The following TKT variants were observed in gnomAD, a reference collection of about 807,000 sequenced individuals.
TKT encodes transketolase.
A neutral mutation model predicts 63.9 loss-of-function variants in TKT; 47 were observed. The observed-to-expected ratio is 0.74, with a 90% CI of 0.58 to 0.94. TKT has a LOEUF of 0.94. Ranked by LOEUF, TKT falls within the 40% of genes least tolerant of loss-of-function variation. The probability of loss-of-function intolerance (pLI) is 0.00; values close to 1 mark genes in which losing one functional copy is unlikely to be tolerated. For missense variants in TKT, 721 were observed against 846.2 expected, an observed-to-expected ratio of 0.85 and a Z score of 1.84; for synonymous variants, 338 against 334.1, an observed-to-expected ratio of 1.01 and a Z score of -0.13.
Position 53,225,775 on chromosome 3 carries a change from C to T in TKT, c.1853G>A (p.Gly618Asp). ...CCCGCCCTAGGCCTTGGTGATGAGG[C>T]CCCTCACAGCTTGTGCAATGGCATC... ...DRDAIAQAVR[G>D]LITKA Residue 618 changes from glycine (G) to aspartate (D), a missense_variant, in exon 14 of 14, where the codon GGC (glycine) becomes GAC (aspartate). By Grantham distance (94) the Gly-to-Asp change is moderately conservative. Coordinates refer to ENST00000462138, the MANE Select transcript of TKT (RefSeq NM_001064.4). 1 of 1,613,194 alleles carries T rather than the reference C, an allele frequency of 6.2e-7. No individual in the cohort carries two copies. Among genetic ancestry groups the T allele is most frequent in the Non-Finnish European group, 8.5e-7 (1 of 1,179,388 alleles).
intron 1 of TKT, among the ~76,000 whole-genome samples, chr3:53,246,811 A>C (rs1553680976): frequency 6.6e-6 from 1 of 151,262 alleles, no homozygotes; most frequent in Non-Finnish European, 1.5e-5. Flanking sequence ...AGATGGCGCC[A>C]TTGCACTCCA....
chr3:53,252,352 T>C (rs1445173460), intron 1 of TKT, among the ~76,000 whole-genome samples: 2 of 152,206 alleles, frequency 1.3e-5, no homozygotes, highest in African/African-American at 4.8e-5. Flanking sequence ...TCTCAAGTCT[T>C]CCTTGATTAG....
chr3:53,241,994 A>G (rs1346611750), intron 2 of TKT, 131 bp downstream of exon 2: 15 of 798,584 alleles, frequency 1.9e-5, no homozygotes, highest in Admixed American at 1.5e-4. Context: ...AGAGGCCAGG[A>G]CGAGCAGGGA....
intron 1 of TKT, among the ~76,000 whole-genome samples, chr3:53,243,214 T>G (rs1236327562): frequency 6.6e-6 from 1 of 151,892 alleles, no homozygotes; most frequent in Non-Finnish European, 1.5e-5. Flanking sequence ...GCTTCCTGCT[T>G]CCCAGCAGGA....
Position 53,239,182 on chromosome 3 carries a change from C to T in TKT, c.437+1069G>A, listed in dbSNP as rs189733105. ...TGTTCCTCCTTACCTTCCAGCATGA[C>T]TGTGAGGCCTCCCTAGCCATGTGGA... On this transcript the variant is annotated intron_variant, in intron 4 of 13. Coordinates refer to ENST00000462138, the MANE Select transcript of TKT (RefSeq NM_001064.4). Among the ~76,000 whole-genome samples the T allele has an allele frequency of 6.8e-4, 103 of 152,340 alleles. 1 individual carries two copies. In the East Asian group the frequency reaches 0.013, roughly 19 times the overall value.
chr3:53,245,413 T>G (rs541960784), intron 1 of TKT, among the ~76,000 whole-genome samples: 1 of 151,484 alleles, frequency 6.6e-6, no homozygotes, highest in South Asian at 2.1e-4. Flanking sequence ...TAGTGCTCAC[T>G]CCACCTGCTC....
chr3:53,248,630 C>T (rs575887369), intron 1 of TKT, among the ~76,000 whole-genome samples: 1 of 111,856 alleles, frequency 8.9e-6, no homozygotes. Flanking sequence ...CCCTGCCCCC[C>T]ACCCCCCAAA....
At chr3:53,243,325 GCAGCTCAGCT>G (rs1229568593) in intron 1 of TKT, among the ~76,000 whole-genome samples, 16 of 152,124 alleles carry the variant, frequency 1.1e-4, no homozygotes, top group Middle Eastern at 3.4e-3. Context: ...CCCTCCACAT[GCAGCTCAGCT>G]CAGCTCAGCT....
chr3:53,244,740 C>T (rs146857771), intron 1 of TKT, among the ~76,000 whole-genome samples: 25 of 152,194 alleles, frequency 1.6e-4, no homozygotes, highest in African/African-American at 5.8e-4. Context: ...TGCAGGTGGA[C>T]GCCCCATCCC....
At chr3:53,228,913 C>T (rs905247410) in intron 10 of TKT, 94 bp downstream of exon 10, 1 of 1,545,574 alleles carries the variant, frequency 6.5e-7, no homozygotes, top group Non-Finnish European at 8.7e-7. Context: ...GGAAACACCC[C>T]CTGGGGCAGC....
chr3:53,241,132 C>G lies in TKT; in HGVS notation c.339G>C (p.Pro113=). Residue 113 remains proline (P), a splice_region_variant and synonymous_variant, in exon 3 of 14, where the codon CCG becomes CCC. Transcript: ENST00000462138. The stretch of plus-strand genomic sequence containing the variant: ...GGGAGGCTCTGGCAGGAGCACTTAC[C>G]GGGACCGGGTGCCCGTCCAAGTCGG... ...ISSDLDGHPV[P]KQAFTDVATG... 1.3e-6 allele frequency: 2 copies of G among 1,553,194 alleles called. No individual in the cohort carries two copies. Among genetic ancestry groups the G allele is most frequent in the Non-Finnish European group, 1.7e-6 (2 of 1,158,402 alleles).
chr3:53,226,587 G>T, intron 13 of TKT, 169 bp downstream of exon 13: 1 of 918,442 alleles, frequency 1.1e-6, no homozygotes, highest in Non-Finnish European at 1.6e-6. Flanking sequence ...TAGGTCCCCA[G>T]GCCAAGCCTG....
chr3:53,230,668 T>C, intron 7 of TKT, 47 bp from the exon 8 acceptor site: 1 of 1,605,958 alleles, frequency 6.2e-7, no homozygotes, highest in Non-Finnish European at 8.5e-7. Flanking sequence ...TGAGGGTGAG[T>C]GCACACCTGC....
intron 1 of TKT, among the ~76,000 whole-genome samples, chr3:53,243,409 C>T (rs1157447072): frequency 1.3e-5 from 2 of 152,136 alleles, no homozygotes; most frequent in Non-Finnish European, 2.9e-5. Context: ...AGCCCAAGGG[C>T]ACATGCACCA....
Position 53,225,736 on chromosome 3 carries a change from C to G in TKT, c.*20G>C. ...AATCTCAGGAATGTATAGACCCCCGCCCCACACTTCATACCCGCCCTAGGC... is the reference window on the plus strand; with the variant it reads ...AATCTCAGGAATGTATAGACCCCCGGCCCACACTTCATACCCGCCCTAGGC... On this transcript the variant is annotated 3_prime_UTR_variant, in exon 14 of 14. Transcript: ENST00000462138. 1.3e-6 allele frequency: 2 copies of G among 1,593,978 alleles called. No homozygotes were observed. The highest frequency in any genetic ancestry group is 1.7e-6 in the Non-Finnish European group (2 of 1,166,742).
intron 4 of TKT, 35 bp from the exon 5 acceptor site, chr3:53,235,209 C>CA: frequency 6.4e-7 from 1 of 1,561,606 alleles, no homozygotes; most frequent in South Asian, 1.2e-5. Context: ...CAGTCCCTCT[C>CA]ACCTGGACCC....
At chr3:53,233,436 C>T (rs1704866769) in intron 5 of TKT, 162 bp from the exon 6 acceptor site, 1 of 507,614 alleles carries the variant, frequency 2.0e-6, no homozygotes, top group East Asian at 3.4e-5. Context: ...TTCCTGTTTC[C>T]AGTTTGGGTT....
chr3:53,240,224 G>C, intron 4 of TKT, 27 bp downstream of exon 4: 2 of 1,601,442 alleles, frequency 1.2e-6, no homozygotes, highest in Non-Finnish European at 1.7e-6. Flanking sequence ...AACTACCCAG[G>C]TTGGGGGTGG....
chr3:53,224,977 C>T lies in TKT; in HGVS notation c.*779G>A, dbSNP rs1553675086. On this transcript the variant is annotated 3_prime_UTR_variant, in exon 14 of 14. Transcript: ENST00000462138. ...TGGTCAGCAGTGTGAGGGCAGTCACCTAGGAACAGCAGAGCAGGTCGGGGC... is the reference window on the plus strand; with the variant it reads ...TGGTCAGCAGTGTGAGGGCAGTCACTTAGGAACAGCAGAGCAGGTCGGGGC... The T allele has an allele frequency of 6.6e-6, 1 of 152,306 alleles. No homozygotes were observed. The highest frequency in any genetic ancestry group is 1.5e-5 in the Non-Finnish European group (1 of 68,110). 9.4% of individuals were successfully genotyped at this position (152,306 alleles called of 1,614,324 possible). A position where few individuals can be genotyped will look rare whatever the true frequency, so the allele number is the denominator to read the frequency against.
Sources: gnomAD v4.1 joint callset for allele counts (sites outside exome capture counted in the v4.1 genomes callset) on GRCh38, gnomAD v4.1.1 for gene constraint, MANE v1.5 for transcripts, NCBI Gene and HGNC (gene_info 2026-07-23, HGNC 2026-07-21) for gene names.